The following ATP11A variants were observed in gnomAD, a reference collection of about 807,000 sequenced individuals.
ATP11A encodes the protein ATPase phospholipid transporting 11A.
Under a neutral mutation model 154.4 loss-of-function variants are expected in ATP11A, and 81 were observed. The observed-to-expected ratio is 0.52, with a 90% confidence interval of 0.44 to 0.63. ATP11A has a LOEUF of 0.63. Among genes scored for constraint, ATP11A ranks in the 30% least tolerant of loss-of-function variants. The probability of loss-of-function intolerance (pLI) is 0.00; values close to 1 mark genes in which losing one functional copy is unlikely to be tolerated. For synonymous variants in ATP11A, 623 were observed against 585.9 expected (o/e 1.06, Z -0.91); for missense variants, 1,316 against 1,474.3 (o/e 0.89, Z 1.76).
At position 112,886,183 on chromosome 13, in the gene ATP11A, G is replaced by A. The variant is rs1717679758; in HGVS notation, c.*4317G>A. ...AACAAGCAGGCCACACCGTCTCGAG[G>A]GAGGAGGCCAGATGCGGCCAGCGTC... On this transcript the variant is annotated 3_prime_UTR_variant, in exon 30 of 30. Coordinates refer to ENST00000375645, the MANE Select transcript of ATP11A (RefSeq NM_015205.3). 6.6e-6 allele frequency: 1 copy of A among 152,292 alleles called. No homozygotes were observed. Among genetic ancestry groups the A allele is most frequent in the Non-Finnish European group, 1.5e-5 (1 of 68,070 alleles). 9.4% of individuals were successfully genotyped at this position (152,292 alleles called of 1,614,324 possible).
intron 6 of ATP11A, among the ~76,000 whole-genome samples, chr13:112,818,319 G>A (rs762556302): frequency 3.4e-5 from 5 of 148,416 alleles, no homozygotes; most frequent in Admixed American, 6.7e-5. Context: ...GCTTGGTGAC[G>A]GGGCGGTGAC....
chr13:112,813,267 A>T (rs186551568), intron 5 of ATP11A, among the ~76,000 whole-genome samples: 3 of 152,316 alleles, frequency 2.0e-5, no homozygotes, highest in Admixed American at 6.5e-5. Flanking sequence ...TGTGGTAGTA[A>T]GAAATAAAAC....
chr13:112,855,823 C>T (rs904989878), intron 19 of ATP11A, 88 bp from the exon 20 acceptor site: 14 of 1,220,946 alleles, frequency 1.1e-5, no homozygotes, highest in Non-Finnish European at 1.6e-5. Flanking sequence ...GGATTTGTAG[C>T]ATCTGTCGAT....
Position 112,827,031 on chromosome 13 carries a change from C to T in ATP11A, c.1221+140C>T, listed in dbSNP as rs1594808853. ...AGACAGCAGCAGGGTTGTTTTGAAC[C>T]CTATTTATGAAACAGTCAGCCGTGC... On this transcript the variant is annotated intron_variant, in intron 12 of 29. Transcript: ENST00000375645. 1.8e-5 allele frequency: 14 copies of T among 796,656 alleles called. No individual in the cohort carries two copies. The Admixed American group carries it at 2.8e-4, about 16-fold the overall frequency. The allele number at this position is 796,656 out of a possible 1,614,324, so 49.3% of individuals were successfully genotyped here. A position where few individuals can be genotyped will look rare whatever the true frequency, so the allele number is the denominator to read the frequency against.
intron 12 of ATP11A, among the ~76,000 whole-genome samples, chr13:112,828,159 A>G (rs1448010885): frequency 9.9e-5 from 9 of 90,704 alleles, no homozygotes; most frequent in South Asian, 4.2e-4. Context: ...AGCGCCCAGC[A>G]GCGTTGAGTG....
At chr13:112,788,066 C>G (rs2077707323) in intron 2 of ATP11A, among the ~76,000 whole-genome samples, 1 of 150,610 alleles carries the variant, frequency 6.6e-6, no homozygotes, top group South Asian at 2.1e-4. Flanking sequence ...CTGTGGATAC[C>G]TACTTAATTC....
At chr13:112,858,354 C>G (rs2079996497) in intron 22 of ATP11A, 64 bp downstream of exon 22, 1 of 1,509,934 alleles carries the variant, frequency 6.6e-7, no homozygotes, top group South Asian at 1.3e-5. Flanking sequence ...TGGCACGACC[C>G]TTGTCTGAGC....
intron 17 of ATP11A, among the ~76,000 whole-genome samples, chr13:112,842,992 C>T (rs747071322): frequency 5.3e-5 from 8 of 152,378 alleles, no homozygotes; most frequent in East Asian, 1.9e-4. Context: ...CCGTCAGACG[C>T]GCTAAAGCCG....
At chr13:112,774,943 C>T (rs1014382366) in intron 1 of ATP11A, among the ~76,000 whole-genome samples, 15 of 151,928 alleles carry the variant, frequency 9.9e-5, no homozygotes, top group African/African-American at 1.7e-4. Flanking sequence ...TCACGGGAGC[C>T]GCAGAGTTGC....
intron 1 of ATP11A, among the ~76,000 whole-genome samples, chr13:112,732,770 C>A (rs12861423): frequency 0.076 from 11,636 of 152,218 alleles, 585 homozygotes; most frequent in Middle Eastern, 0.12. Context: ...CGCCACCATG[C>A]CTGGCTAGTT....
chr13:112,729,004 C>T (rs1216614095), intron 1 of ATP11A, among the ~76,000 whole-genome samples: 3 of 152,106 alleles, frequency 2.0e-5, no homozygotes, highest in Non-Finnish European at 4.4e-5. Flanking sequence ...CAGGTTTTCA[C>T]GTTGGCGACA....
In ATP11A at chr13:112,709,626, T is replaced by C. The variant is rs867370138; in HGVS notation, c.39+19171T>C. Among the ~76,000 whole-genome samples, 8 of 152,246 alleles carry C rather than the reference T, an allele frequency of 5.3e-5. No individual in the cohort carries two copies. The South Asian group carries it at 1.0e-3, about 20-fold the overall frequency. ...CAGGTCTTCAGATAAACTCAACCAA[T>C]TGTCAACCAGAAGATGTTTAAATTT... On this transcript the variant is annotated intron_variant, in intron 1 of 29. Coordinates refer to ENST00000375645, the MANE Select transcript of ATP11A (RefSeq NM_015205.3).
chr13:112,844,449 T>C (rs1669300210), intron 17 of ATP11A, among the ~76,000 whole-genome samples: 1 of 152,092 alleles, frequency 6.6e-6, no homozygotes, highest in African/African-American at 2.4e-5. Flanking sequence ...AGGGGACGCA[T>C]CCCTCACCCT....
At position 112,749,668 on chromosome 13, in the gene ATP11A, T is replaced by C. The variant is rs139615686; in HGVS notation, c.40-35467T>C. ...AAGAGAAAGGGAAGGAGAGTCTCCA[T>C]CCTCCCACGTGGGGACACGTCTGCT... On this transcript the variant is annotated intron_variant, in intron 1 of 29. Transcript: ENST00000375645. 4.6e-5 allele frequency among the ~76,000 whole-genome samples: 7 copies of C among 152,162 alleles called. No homozygotes were observed. In the East Asian group the frequency reaches 1.3e-3, roughly 29 times the overall value.
chr13:112,840,241 C>A (rs12871157), intron 16 of ATP11A, among the ~76,000 whole-genome samples: 2 of 97,682 alleles, frequency 2.0e-5, no homozygotes, highest in African/African-American at 4.5e-5. Flanking sequence ...TGCCCTCCAG[C>A]CTCAGCCTCC....
At position 112,785,761 on chromosome 13, in the gene ATP11A, G is replaced by A. The variant is rs554820845; in HGVS notation, c.162+504G>A. ...GCGTAGGAAGCACAAGCAGAGTGCC[G>A]CGGTCTAAACGAAGCGTGTTTCTCT... is the stretch of plus-strand genomic sequence containing the variant. On this transcript the variant is annotated intron_variant, in intron 2 of 29. Coordinates refer to ENST00000375645, the MANE Select transcript of ATP11A (RefSeq NM_015205.3). The surrounding 1 kb of genome is among the most constrained non-coding windows in gnomAD (Gnocchi z 4.8). Among the ~76,000 whole-genome samples, 9 of 152,318 alleles carry A rather than the reference G, an allele frequency of 5.9e-5. No homozygotes were observed. In the South Asian group the frequency reaches 8.3e-4, roughly 14 times the overall value.
chr13:112,704,394 C>G lies in ATP11A; in HGVS notation c.39+13939C>G, dbSNP rs576011519. ...CTCTCTTTCACTGAAAATGCAAGGC[C>G]AAGTGGCTCCAGCACTCAGCAGAAA... On this transcript the variant is annotated intron_variant, in intron 1 of 29. Coordinates refer to ENST00000375645, the MANE Select transcript of ATP11A (RefSeq NM_015205.3). Among the ~76,000 whole-genome samples the G allele has an allele frequency of 1.3e-4, 20 of 152,318 alleles. 1 individual carries two copies. Among genetic ancestry groups the G allele is most frequent in the African/African-American group, 3.4e-4 (14 of 41,574 alleles).
chr13:112,824,178 T>C (rs748990386), intron 9 of ATP11A, among the ~76,000 whole-genome samples, 166 bp from the exon 10 acceptor site: 1 of 152,210 alleles, frequency 6.6e-6, no homozygotes, highest in African/African-American at 2.4e-5. Context: ...GTCTTTATCC[T>C]AAGGAATCAA....
rs80204966 is a variant in ATP11A at position 112,700,802 on chromosome 13, C to T, written c.39+10347C>T. ...CATGTGCCCCGTTCTGCTTGTCACC[C>T]GCCTCGCCCTGAGGAGCCTCCAGCT... On this transcript the variant is annotated intron_variant, in intron 1 of 29. Coordinates refer to ENST00000375645, the MANE Select transcript of ATP11A (RefSeq NM_015205.3). 5.6e-4 allele frequency among the ~76,000 whole-genome samples: 85 copies of T among 152,350 alleles called. 1 individual carries two copies. In the East Asian group the frequency reaches 0.014, roughly 25 times the overall value.
Sources: gnomAD v4.1 joint callset for allele counts (sites outside exome capture counted in the v4.1 genomes callset) on GRCh38, gnomAD v4.1.1 for gene constraint, Gnocchi (gnomAD v3.1) non-coding constraint, MANE v1.5 for transcripts, NCBI Gene and HGNC (gene_info 2026-07-23, HGNC 2026-07-21) for gene names.